SYNE2: variants seen among roughly 807,000 people sequenced by gnomAD.
SYNE2 encodes the protein nesprin-2.
Under a neutral mutation model 856.3 loss-of-function variants are expected in SYNE2, and 431 were observed. The observed-to-expected ratio is 0.50, with a 90% confidence interval of 0.47 to 0.55. The LOEUF is 0.55. SYNE2 is among the 20% of genes least tolerant of loss of function. SYNE2 has a pLI of 0.00. For missense variants in SYNE2, 8,129 were observed against 8,023.2 expected (o/e 1.01, Z -0.50); for synonymous variants, 2,923 against 2,872.3 (o/e 1.02, Z -0.56).
At position 64,221,666 on chromosome 14, in the gene SYNE2, G is replaced by A. The variant is rs1368362846; in HGVS notation, c.20152G>A (p.Asp6718Asn). 2 of 1,614,188 alleles carry A rather than the reference G, an allele frequency of 1.2e-6. No homozygotes were observed. Among genetic ancestry groups the A allele is most frequent in the Admixed American group, 1.7e-5 (1 of 60,028 alleles). ...GGCTCATGTCACCGATCCAAAGGCA[G>A]ACCCCCGGGCTCTCCTAGAGTGTCG... The part of the protein sequence containing the change: ...QKAHVTDPKA[D>N]PRALLECRRE... The change falls in exon 112 of 116, where the codon GAC (aspartate) becomes AAC (asparagine). Residue 6718 changes from aspartate to asparagine, a missense_variant. Transcript: ENST00000555002.
intron 1 of SYNE2, among the ~76,000 whole-genome samples, chr14:63,856,163 T>C (rs1276525822): frequency 6.6e-6 from 1 of 151,994 alleles, no homozygotes. Flanking sequence ...TAAGGGAGGG[T>C]AGGACTAAAT....
intron 96 of SYNE2, among the ~76,000 whole-genome samples, chr14:64,179,989 A>G (rs572975821): frequency 6.6e-6 from 1 of 152,296 alleles, no homozygotes; most frequent in African/African-American, 2.4e-5. Flanking sequence ...TTCTCTTCAA[A>G]AAGTTTTTAG....
Position 64,049,711 on chromosome 14 carries a change from A to T in SYNE2, c.7478A>T (p.Asn2493Ile), listed in dbSNP as rs752437538. 3 of 1,614,168 alleles carry T rather than the reference A, an allele frequency of 1.9e-6. No individual in the cohort carries two copies. The change falls in exon 47 of 116, where the codon AAT becomes ATT. Residue 2493 changes from asparagine to isoleucine, a missense_variant. By Grantham distance (149) the Asn-to-Ile change is moderately radical (BLOSUM62 -3). This residue lies in a region of SYNE2 where 5,410 missense variants were observed against 5,284.8 expected (regional missense o/e 1.02). Transcript: ENST00000555002. Reference protein sequence around the residue: ...KTETGALVLHNIGYSAQHLDN... With the variant: ...KTETGALVLHIIGYSAQHLDN... Reference sequence around the variant, plus strand: ...GAAACTGGGGCCTTGGTTCTCCACAATATAGGATATTCGGCACAGCATTTG... The same window carrying T: ...GAAACTGGGGCCTTGGTTCTCCACATTATAGGATATTCGGCACAGCATTTG...
At chr14:64,148,976 C>CTTTT (rs59999990) in intron 84 of SYNE2, among the ~76,000 whole-genome samples, 2 of 141,614 alleles carry the variant, frequency 1.4e-5, no homozygotes, top group African/African-American at 2.6e-5. Flanking sequence ...GTTAATTTCT[C>CTTTT]TTTTTTTTTT....
At chr14:64,137,597 A>G (rs1164657972) in intron 78 of SYNE2, among the ~76,000 whole-genome samples, 190 bp from the exon 79 acceptor site, 1 of 152,204 alleles carries the variant, frequency 6.6e-6, no homozygotes, top group African/African-American at 2.4e-5. Context: ...GCAAGATTGG[A>G]CACCTATCAT....
intron 50 of SYNE2, 76 bp downstream of exon 50, chr14:64,062,971 T>C (rs1490288293): frequency 5.1e-6 from 8 of 1,559,452 alleles, no homozygotes; most frequent in African/African-American, 1.4e-5. Flanking sequence ...CAGCAGAGAA[T>C]GTGGTCCTGT....
chr14:63,984,896 G>T (rs1056275335), intron 18 of SYNE2, among the ~76,000 whole-genome samples: 7 of 152,200 alleles, frequency 4.6e-5, no homozygotes, highest in African/African-American at 1.7e-4. Flanking sequence ...GGTGGCTTAT[G>T]CCTTCAATTC....
intron 1 of SYNE2, among the ~76,000 whole-genome samples, chr14:63,814,467 C>A (rs1275428746): frequency 9.3e-5 from 2 of 21,472 alleles, no homozygotes; most frequent in Non-Finnish European, 2.7e-4. Flanking sequence ...CCTTATATAT[C>A]ATATATAATA....
At chr14:64,133,984 A>AT in intron 77 of SYNE2, 85 bp from the exon 78 acceptor site, 12 of 1,519,650 alleles carry the variant, frequency 7.9e-6, no homozygotes, top group Non-Finnish European at 1.1e-5. Context: ...CTTGGTGTTC[A>AT]TTTTTGTTTT....
Position 64,153,172 on chromosome 14 carries a change from AAC to A in SYNE2, c.15792+459_15792+460del, listed in dbSNP as rs562640869. ...CAGGAGGACTCTAAAGTTTGGAAGAAACACTACATGGTGTTGAAGAGAGAGTA... is the reference window on the plus strand; with the variant it reads ...CAGGAGGACTCTAAAGTTTGGAAGAAACTACATGGTGTTGAAGAGAGAGTA... On this transcript the variant is annotated intron_variant, in intron 85 of 115. Transcript: ENST00000555002. Among the ~76,000 whole-genome samples the A allele has an allele frequency of 1.8e-4, 28 of 152,362 alleles. 1 individual carries two copies. The South Asian group carries it at 5.4e-3, about 29-fold the overall frequency.
chr14:63,789,444 C>A (rs566949596), intron 1 of SYNE2, among the ~76,000 whole-genome samples: 1 of 152,112 alleles, frequency 6.6e-6, no homozygotes, highest in Non-Finnish European at 1.5e-5. Context: ...ATTCTTTGCA[C>A]GCCTGAAAAT....
chr14:64,034,062 G>A (rs1198306114), intron 45 of SYNE2, among the ~76,000 whole-genome samples: 1 of 152,134 alleles, frequency 6.6e-6, no homozygotes. Context: ...AAGTTGAACA[G>A]CAACTAGCAA....
At chr14:63,822,705 C>T (rs183081269) in intron 1 of SYNE2, among the ~76,000 whole-genome samples, 1 of 152,188 alleles carries the variant, frequency 6.6e-6, no homozygotes, top group African/African-American at 2.4e-5. Context: ...TCTGCATAAG[C>T]AGGAAGTGAA....
intron 68 of SYNE2, among the ~76,000 whole-genome samples, chr14:64,121,639 G>A (rs1420020952): frequency 6.6e-6 from 1 of 152,204 alleles, no homozygotes; most frequent in Non-Finnish European, 1.5e-5. Context: ...ATTTACCATA[G>A]CATCTGCTTT....
chr14:63,985,092 G>A (rs2096614761), intron 18 of SYNE2, among the ~76,000 whole-genome samples: 1 of 152,186 alleles, frequency 6.6e-6, no homozygotes, highest in Non-Finnish European at 1.5e-5. Flanking sequence ...CACTTTGGAA[G>A]GCCAAGGCAG....
intron 61 of SYNE2, among the ~76,000 whole-genome samples, chr14:64,097,504 A>G (rs140387772): frequency 1.5e-4 from 23 of 152,354 alleles, no homozygotes; most frequent in African/African-American, 5.3e-4. Context: ...CATTTTTAAT[A>G]TGCTTTGGGA....
chr14:64,198,040 C>T (rs2027094), intron 99 of SYNE2, among the ~76,000 whole-genome samples: 69,853 of 152,120 alleles, frequency 0.46, 18,335 homozygotes, highest in African/African-American at 0.73. Context: ...TGGAAGACTT[C>T]GCTTTTGTAC....
intron 1 of SYNE2, among the ~76,000 whole-genome samples, chr14:63,880,961 C>T (rs889305775): frequency 2.0e-5 from 3 of 151,872 alleles, no homozygotes; most frequent in Admixed American, 6.6e-5. Flanking sequence ...ATTTGTTGTG[C>T]CTCAGCCTCT....
intron 1 of SYNE2, among the ~76,000 whole-genome samples, chr14:63,814,779 C>CATATATATATCCAT (rs376238602): frequency 4.8e-4 from 7 of 14,456 alleles, no homozygotes; most frequent in Non-Finnish European, 1.3e-3. Flanking sequence ...TATATATATC[C>CATATATATATCCAT]ATATATATCC....
Sources: allele counts gnomAD v4.1 joint callset (sites outside exome capture counted in the v4.1 genomes callset), GRCh38; gene constraint gnomAD v4.1.1; regional missense constraint gnomAD v4.1.1; transcripts MANE v1.5; gene names NCBI Gene and HGNC (gene_info 2026-07-23, HGNC 2026-07-21).